Variants in NEGR1 observed in about 807,000 individuals in gnomAD.
NEGR1 encodes the protein IgLON family member 4.
A neutral mutation model predicts 40.9 loss-of-function variants in NEGR1; 10 were observed. That is an observed-to-expected ratio of 0.24 (90% CI 0.15 to 0.42). The LOEUF (loss-of-function observed/expected upper bound fraction) is 0.42. Ranked by LOEUF, NEGR1 falls within the 10% of genes least tolerant of loss-of-function variation. NEGR1 has a pLI of 1.00. For synonymous variants in NEGR1, 185 were observed against 166.8 expected (o/e 1.11, Z -0.84); for missense variants, 352 against 438.9 (o/e 0.80, Z 1.77).
At chr1:72,178,433 C>T (rs12036585) in intron 1 of NEGR1, among the ~76,000 whole-genome samples, 78,215 of 150,670 alleles carry the variant, frequency 0.52, 20,993 homozygotes, top group East Asian at 0.84. Flanking sequence ...ATTCCCTTGC[C>T]CTCTACCTAT....
At chr1:72,194,511 T>C (rs1433914644) in intron 1 of NEGR1, among the ~76,000 whole-genome samples, 1 of 151,918 alleles carries the variant, frequency 6.6e-6, no homozygotes, top group East Asian at 1.9e-4. Context: ...AACATGAAGA[T>C]CAATTATTTC....
At position 71,980,582 on chromosome 1, in the gene NEGR1, G is replaced by A. The variant is rs183592982; in HGVS notation, c.177-45271C>T. ...AAAGTTGAGATATAAATATGCATCT[G>A]CTTTAAAAGTCCCTTTAATGTAACC... is the stretch of plus-strand genomic sequence containing the variant. On this transcript the variant is annotated intron_variant, in intron 1 of 6. Transcript: ENST00000357731. Among the ~76,000 whole-genome samples the A allele has an allele frequency of 2.0e-5, 3 of 152,202 alleles. No homozygotes were observed. In the East Asian group the frequency reaches 5.8e-4, roughly 29 times the overall value.
intron 1 of NEGR1, among the ~76,000 whole-genome samples, chr1:72,162,392 G>GC (rs1251111946): frequency 3.3e-5 from 5 of 152,124 alleles, no homozygotes; most frequent in Admixed American, 3.3e-4. Context: ...AACCCGGGAG[G>GC]CAGAGGTTGC....
rs146466087 is a variant in NEGR1 at position 71,399,235 on chromosome 1, G to A, written c.*8211C>T. On this transcript the variant is annotated 3_prime_UTR_variant, in exon 7 of 7. Coordinates refer to ENST00000357731, the MANE Select transcript of NEGR1 (RefSeq NM_173808.3). ...CACATACTAGTTTATCTATAAATTAGAAATATATATGTTTCCAGAAAAAAA... is the reference window on the plus strand; with the variant it reads ...CACATACTAGTTTATCTATAAATTAAAAATATATATGTTTCCAGAAAAAAA... The A allele has an allele frequency of 1.9e-4, 28 of 151,066 alleles. No homozygotes were observed. In the East Asian group the frequency reaches 5.3e-3, roughly 28 times the overall value. 9.4% of individuals were successfully genotyped at this position (151,066 alleles called of 1,614,324 possible). A position where few individuals can be genotyped will look rare whatever the true frequency, so the allele number is the denominator to read the frequency against.
At chr1:71,474,411 G>T (rs917764574) in intron 6 of NEGR1, among the ~76,000 whole-genome samples, 2 of 151,032 alleles carry the variant, frequency 1.3e-5, no homozygotes, top group Non-Finnish European at 1.5e-5. Context: ...GGTGGCTCAC[G>T]CCTGTAATAC....
intron 1 of NEGR1, among the ~76,000 whole-genome samples, chr1:72,275,644 C>T (rs1038570768): frequency 1.2e-4 from 18 of 151,974 alleles, no homozygotes; most frequent in Admixed American, 7.2e-4. Context: ...AGTCATTTAA[C>T]GACAGTCTTA....
At chr1:71,834,160 G>C (rs547143117) in intron 2 of NEGR1, among the ~76,000 whole-genome samples, 106 of 152,208 alleles carry the variant, frequency 7.0e-4, no homozygotes, top group African/African-American at 2.3e-3. Context: ...CATAAAACTT[G>C]CTTTGATTCA....
intron 1 of NEGR1, among the ~76,000 whole-genome samples, chr1:72,224,617 A>G (rs1308505002): frequency 1.3e-5 from 2 of 152,080 alleles, no homozygotes; most frequent in African/African-American, 4.8e-5. Flanking sequence ...ACTAACTTGC[A>G]TCTTACCCAA....
At chr1:71,609,990 T>C (rs1375411537) in intron 5 of NEGR1, among the ~76,000 whole-genome samples, 1 of 152,214 alleles carries the variant, frequency 6.6e-6, no homozygotes, top group Non-Finnish European at 1.5e-5. Context: ...TTCTCTCTCC[T>C]GCCGCCTAGT....
rs1203367085 is a variant in NEGR1 at position 71,405,027 on chromosome 1, A to G, written c.*2419T>C. On this transcript the variant is annotated 3_prime_UTR_variant, in exon 7 of 7. Transcript: ENST00000357731. ...TAAGGACTAGGAATGCTGCTGTGAT[A>G]CAGAAAAACATAGTGAATACCTCCT... The G allele has an allele frequency of 1.3e-5, 2 of 152,224 alleles. No homozygotes were observed. Among genetic ancestry groups the G allele is most frequent in the African/African-American group, 4.8e-5 (2 of 41,432 alleles). The allele number at this position is 152,224 out of a possible 1,614,324, so 9.4% of individuals were successfully genotyped here. A position where few individuals can be genotyped will look rare whatever the true frequency, so the allele number is the denominator to read the frequency against.
chr1:72,086,684 T>C (rs528482719), intron 1 of NEGR1, among the ~76,000 whole-genome samples: 3 of 152,352 alleles, frequency 2.0e-5, no homozygotes, highest in African/African-American at 7.2e-5. Context: ...TAAGTGTTGT[T>C]CCGGTTGATC....
At chr1:71,502,810 G>A (rs998958473) in intron 6 of NEGR1, among the ~76,000 whole-genome samples, 2 of 152,186 alleles carry the variant, frequency 1.3e-5, no homozygotes, top group South Asian at 2.1e-4. Flanking sequence ...TAGGTCGAGT[G>A]TGTGCATGAC....
intron 4 of NEGR1, among the ~76,000 whole-genome samples, chr1:71,622,346 G>C (rs1191381281): frequency 2.0e-5 from 3 of 151,850 alleles, no homozygotes; most frequent in Non-Finnish European, 4.4e-5. Context: ...TTATCAGCAA[G>C]TACAATCTTG....
intron 6 of NEGR1, among the ~76,000 whole-genome samples, chr1:71,523,580 G>T (rs1647179283): frequency 6.6e-6 from 1 of 151,838 alleles, no homozygotes; most frequent in Admixed American, 6.6e-5. Flanking sequence ...GGATAAAGAT[G>T]CAAAGTCGGC....
chr1:71,540,953 C>T (rs1215502915), intron 6 of NEGR1, among the ~76,000 whole-genome samples: 2 of 151,214 alleles, frequency 1.3e-5, no homozygotes, highest in Non-Finnish European at 3.0e-5. Flanking sequence ...GAGTGAAGGT[C>T]GGGGAGCCAC....
intron 1 of NEGR1, among the ~76,000 whole-genome samples, chr1:71,992,617 T>C (rs1646465177): frequency 6.6e-6 from 1 of 152,216 alleles, no homozygotes; most frequent in African/African-American, 2.4e-5. Flanking sequence ...ATATGCAGTC[T>C]TTGAAATCTG....
intron 4 of NEGR1, among the ~76,000 whole-genome samples, chr1:71,660,977 T>C (rs1391270906): frequency 6.6e-6 from 1 of 152,206 alleles, no homozygotes; most frequent in Admixed American, 6.5e-5. Flanking sequence ...TGTGTTAGTT[T>C]GCTGAGAATG....
At chr1:71,454,786 A>C (rs1646659309) in intron 6 of NEGR1, among the ~76,000 whole-genome samples, 1 of 152,176 alleles carries the variant, frequency 6.6e-6, no homozygotes, top group South Asian at 2.1e-4. Flanking sequence ...TACCTATACC[A>C]CAGATTGGGG....
intron 2 of NEGR1, among the ~76,000 whole-genome samples, chr1:71,809,452 C>T (rs1400375801): frequency 6.6e-6 from 1 of 152,084 alleles, no homozygotes; most frequent in Non-Finnish European, 1.5e-5. Context: ...TCTTGTGTGT[C>T]ATCTATTTCT....
Sources: allele counts gnomAD v4.1 joint callset (sites outside exome capture counted in the v4.1 genomes callset), GRCh38; gene constraint gnomAD v4.1.1; transcripts MANE v1.5; gene names NCBI Gene and HGNC (gene_info 2026-07-23, HGNC 2026-07-21).